Variants in BBS2 observed in about 807,000 individuals in gnomAD.
BBS2 encodes the protein Bardet-Biedl syndrome 2.
Under a neutral mutation model 83.0 loss-of-function variants are expected in BBS2, and 62 were observed. The observed-to-expected ratio is 0.75, with a 90% CI of 0.61 to 0.92. BBS2 has a LOEUF of 0.92. Among genes scored for constraint, BBS2 ranks in the 40% least tolerant of loss-of-function variants. BBS2 has a pLI of 0.00. For missense variants in BBS2, 784 were observed against 901.0 expected (o/e 0.87, Z 1.66); for synonymous variants, 303 against 326.1 (o/e 0.93, Z 0.76).
chr16:56,473,083 A>G (rs1963278288), intron 17 of BBS2, among the ~76,000 whole-genome samples: 1 of 152,116 alleles, frequency 6.6e-6, no homozygotes, highest in Admixed American at 6.5e-5. Context: ...GGCGCATGCC[A>G]CCACGCCCGG....
At position 56,519,933 on chromosome 16, in the gene BBS2, G is replaced by T; in HGVS notation, c.-71C>A. 1.5e-6 allele frequency: 2 copies of T among 1,363,974 alleles called. No individual in the cohort carries two copies. Among genetic ancestry groups the T allele is most frequent in the East Asian group, 2.3e-5 (1 of 42,956 alleles). The allele number at this position is 1,363,974 out of a possible 1,614,324, so 84.5% of individuals were successfully genotyped here. A position where few individuals can be genotyped will look rare whatever the true frequency, so the allele number is the denominator to read the frequency against. On this transcript the variant is annotated 5_prime_UTR_variant, in exon 1 of 17. Coordinates refer to ENST00000245157, the MANE Select transcript of BBS2 (RefSeq NM_031885.5). Reference sequence around the variant, plus strand: ...GCAGCGGAGCTGGCCTCACGCGCCCGGGCAAGAAGTGCAGGGACACTACCT... The same window carrying T: ...GCAGCGGAGCTGGCCTCACGCGCCCTGGCAAGAAGTGCAGGGACACTACCT...
In BBS2 at chr16:56,519,695, A is replaced by G. The variant is rs573359375; in HGVS notation, c.117+51T>C. 1.4e-5 allele frequency: 21 copies of G among 1,455,132 alleles called. No homozygotes were observed. In the Admixed American group the frequency reaches 3.0e-4, roughly 21 times the overall value. 90.1% of individuals were successfully genotyped at this position (1,455,132 alleles called of 1,614,324 possible). A position where few individuals can be genotyped will look rare whatever the true frequency, so the allele number is the denominator to read the frequency against. ...GGGATCCCAGGGGCGCGGCCGGCGG[A>G]GATCCTGTGGTTCCCTGGGGCCCGG... is the stretch of plus-strand genomic sequence containing the variant. On this transcript the variant is annotated intron_variant, in intron 1 of 16. Coordinates refer to ENST00000245157, the MANE Select transcript of BBS2 (RefSeq NM_031885.5).
rs746946570 is a variant in BBS2, at chr16:56,509,932, C to T, written c.612+25G>A. ...ACTGATCTATCTTGCTCAAGGTTAC[C>T]ATAGTTCGAGGTGGAGCTTCTTACC... On this transcript the variant is annotated intron_variant, in intron 5 of 16. Coordinates refer to ENST00000245157, the MANE Select transcript of BBS2 (RefSeq NM_031885.5). 5 of 1,611,656 alleles carry T rather than the reference C, an allele frequency of 3.1e-6. No individual in the cohort carries two copies. In the Admixed American group the frequency reaches 8.3e-5, roughly 27 times the overall value.
rs1181643265 is a variant in BBS2 at position 56,514,525 on chromosome 16, G to T, written c.273C>A (p.Ala91=). 1.2e-6 allele frequency: 2 copies of T among 1,614,034 alleles called. No homozygotes were observed. The highest frequency in any genetic ancestry group is 3.3e-5 in the Admixed American group (2 of 60,016). The change falls in exon 2 of 17, where the codon GCC becomes GCA. Residue 91 remains alanine, a synonymous_variant. Coordinates refer to ENST00000245157, the MANE Select transcript of BBS2 (RefSeq NM_031885.5). ...GATTAGTCTGTGTCCCCACTAAAAG[G>T]GCATCATAGCCAAGCTCAGGGTTCA... ...GVLNPELGYD[A]LLVGTQTNLL...
In BBS2 at chr16:56,502,455, G is replaced by A. The variant is rs1479907756; in HGVS notation, c.942C>T (p.Ile314=). The A allele has an allele frequency of 1.2e-6, 2 of 1,614,152 alleles. No homozygotes were observed. Among genetic ancestry groups the A allele is most frequent in the Non-Finnish European group, 1.7e-6 (2 of 1,180,036 alleles). Residue 314 remains isoleucine, a splice_region_variant and synonymous_variant, in exon 9 of 17, where the codon ATC becomes ATT. Transcript: ENST00000245157. ...CAGCCGTGCCAGGCAGGTAGCCCCG[G>A]ACTGAACAGAAGGAAAAAACCGCAA... The part of the protein sequence containing the change: ...QLICCSVDGE[I]RGYLPGTAEM...
At chr16:56,515,364 G>A (rs1222768823) in intron 1 of BBS2, among the ~76,000 whole-genome samples, 1 of 152,244 alleles carries the variant, frequency 6.6e-6, no homozygotes, top group African/African-American at 2.4e-5. Flanking sequence ...GCAGTCTTAA[G>A]AGGGGCGAGA....
chr16:56,479,285 CCAACATGGTGAAA>C (rs1963599613), intron 17 of BBS2, among the ~76,000 whole-genome samples: 1 of 152,140 alleles, frequency 6.6e-6, no homozygotes, highest in African/African-American at 2.4e-5. Flanking sequence ...ACCAGCCTGG[CCAACATGGTGAAA>C]CCCTATCTCT....
At chr16:56,489,021 T>C (rs1197649342) in intron 15 of BBS2, among the ~76,000 whole-genome samples, 1 of 151,918 alleles carries the variant, frequency 6.6e-6, no homozygotes, top group Non-Finnish European at 1.5e-5. Flanking sequence ...CCTCAAGCCA[T>C]CCTCATGCCT....
At chr16:56,511,406 TGG>T in intron 2 of BBS2, 122 bp from the exon 3 acceptor site, 1 of 1,368,028 alleles carries the variant, frequency 7.3e-7, no homozygotes, top group Non-Finnish European at 1.0e-6. Context: ...ATCCATAATG[TGG>T]GTGGGCCTCA....
In BBS2 at chr16:56,514,669, A is replaced by T; in HGVS notation, c.129T>A (p.His43Gln). 1 of 1,613,072 alleles carries T rather than the reference A, an allele frequency of 6.2e-7. No homozygotes were observed. Among genetic ancestry groups the T allele is most frequent in the Non-Finnish European group, 8.5e-7 (1 of 1,179,108 alleles). ...AATQTGKVFI[H>Q]NPHTRNQHVS... ...CATGCTGGTTCCGTGTATGAGGATT[A>T]TGAATAAAAACCTGAAACAAAAATA... The change falls in exon 2 of 17, where the codon CAT becomes CAA. Residue 43 changes from histidine (H) to glutamine (Q), a missense_variant. Coordinates refer to ENST00000245157, the MANE Select transcript of BBS2 (RefSeq NM_031885.5).
chr16:56,503,843 C>T (rs956055155), intron 7 of BBS2, among the ~76,000 whole-genome samples: 1 of 151,030 alleles, frequency 6.6e-6, no homozygotes, highest in Non-Finnish European at 1.5e-5. Flanking sequence ...CGCTTGAACC[C>T]GGGAGGCGGA....
intron 7 of BBS2, among the ~76,000 whole-genome samples, chr16:56,503,015 T>C (rs1964321450): frequency 6.6e-6 from 1 of 152,162 alleles, no homozygotes; most frequent in Admixed American, 6.5e-5. Flanking sequence ...CTTCCTTCTT[T>C]TTAAATAAAA....
intron 2 of BBS2, among the ~76,000 whole-genome samples, chr16:56,512,054 C>T (rs753313982): frequency 2.3e-4 from 35 of 152,210 alleles, no homozygotes; most frequent in Non-Finnish European, 3.8e-4. Flanking sequence ...AGACACTTCA[C>T]GGAAGACACA....
intron 17 of BBS2, among the ~76,000 whole-genome samples, chr16:56,473,133 T>C (rs1313554282): frequency 6.6e-6 from 1 of 152,120 alleles, no homozygotes; most frequent in Non-Finnish European, 1.5e-5. Flanking sequence ...GGTTTCACCG[T>C]GTTAGCCAGG....
chr16:56,495,472 C>T (rs1284602906), intron 15 of BBS2, among the ~76,000 whole-genome samples: 1 of 152,044 alleles, frequency 6.6e-6, no homozygotes, highest in East Asian at 1.9e-4. Context: ...TAAACATTAC[C>T]ACAAGGATAC....
chr16:56,498,010 G>A (rs1349687851), intron 13 of BBS2, 130 bp from the exon 14 acceptor site: 1 of 992,906 alleles, frequency 1.0e-6, no homozygotes, highest in East Asian at 2.6e-5. Flanking sequence ...TGTTGAAAAA[G>A]GAAAGTTTAG....
downstream of BBS2, among the ~76,000 whole-genome samples, chr16:56,482,688 C>T (rs994953514): frequency 2.6e-5 from 4 of 152,180 alleles, no homozygotes; most frequent in African/African-American, 9.6e-5. Context: ...CTCCACTTCC[C>T]CTAAACAGCT....
Position 56,506,151 on chromosome 16 carries a change from TA to T in BBS2, c.685del (p.Tyr229MetfsTer17). ...YALSNGTVGV[Y>X]DKTSRYWRIK... ...TCTCCAGTATCGGGATGTTTTGTCA[TA>T]AACTCCAACTGTGCCATTGGAAAGG... is the stretch of plus-strand genomic sequence containing the variant. On this transcript the variant is annotated frameshift_variant, in exon 6 of 17. Transcript: ENST00000245157. LOFTEE classifies it high-confidence loss of function. 6.2e-7 allele frequency: 1 copy of T among 1,614,056 alleles called. No homozygotes were observed. Among genetic ancestry groups the T allele is most frequent in the Non-Finnish European group, 8.5e-7 (1 of 1,179,936 alleles).
At chr16:56,476,180 A>C in intron 17 of BBS2, 1 of 1,612,288 alleles carries the variant, frequency 6.2e-7, no homozygotes, top group Non-Finnish European at 8.5e-7. Flanking sequence ...GGTTTCTGGG[A>C]CTTTTCATTC....
Sources: gnomAD v4.1 joint callset for allele counts (sites outside exome capture counted in the v4.1 genomes callset) on GRCh38, gnomAD v4.1.1 for gene constraint, MANE v1.5 for transcripts, NCBI Gene and HGNC (gene_info 2026-07-23, HGNC 2026-07-21) for gene names.